Variants in NCOA3 observed in about 807,000 individuals in gnomAD.
The protein encoded by NCOA3 is CBP-interacting protein.
A neutral mutation model predicts 158.8 loss-of-function variants in NCOA3; 51 were observed. That is an observed-to-expected ratio of 0.32 (90% confidence interval 0.26 to 0.41). The LOEUF (loss-of-function observed/expected upper bound fraction) is 0.41, where lower values mean the gene tolerates loss of function less well. Ranked by LOEUF, NCOA3 falls within the 10% of genes least tolerant of loss-of-function variation. The pLI is 1.00. For missense variants in NCOA3, 1,510 were observed against 1,746.6 expected, an observed-to-expected ratio of 0.86 and a Z score of 2.41; for synonymous variants, 537 against 592.4, an observed-to-expected ratio of 0.91 and a Z score of 1.36.
chr20:47,590,942 C>T (rs2085624012), intron 2 of NCOA3, among the ~76,000 whole-genome samples: 1 of 152,014 alleles, frequency 6.6e-6, no homozygotes, highest in African/African-American at 2.4e-5. Context: ...AAACCTCTCT[C>T]TACTAAAAAC....
chr20:47,587,750 C>T (rs1467564437), intron 2 of NCOA3, among the ~76,000 whole-genome samples: 7 of 151,964 alleles, frequency 4.6e-5, no homozygotes, highest in Non-Finnish European at 8.8e-5. Flanking sequence ...GCAGAATCCA[C>T]GATACAGAGG....
chr20:47,548,254 C>T (rs2084865331), intron 1 of NCOA3, among the ~76,000 whole-genome samples: 1 of 151,124 alleles, frequency 6.6e-6, no homozygotes, highest in African/African-American at 2.4e-5. Flanking sequence ...AAAAAAAATT[C>T]ATTCTAGGCC....
Position 47,625,363 on chromosome 20 carries a change from C to G in NCOA3, c.257-18C>G. The G allele has an allele frequency of 6.5e-7, 1 of 1,543,996 alleles. No homozygotes were observed. The highest frequency in any genetic ancestry group is 9.0e-7 in the Non-Finnish European group (1 of 1,117,046). ...ACTGATAGTGTGTTATTCGTTATAC[C>G]ACCTTCTGTCTTTTCAGGAAAAACT... is the stretch of plus-strand genomic sequence containing the variant. On this transcript the variant is annotated intron_variant, in intron 4 of 22. Transcript: ENST00000371998.
intron 2 of NCOA3, among the ~76,000 whole-genome samples, chr20:47,617,886 TAA>T (rs1263470941): frequency 2.0e-5 from 3 of 152,234 alleles, no homozygotes; most frequent in Non-Finnish European, 4.4e-5. Context: ...TAAATGTACC[TAA>T]GTTTTGTCCA....
intron 2 of NCOA3, among the ~76,000 whole-genome samples, chr20:47,610,079 G>A (rs975713253): frequency 3.3e-5 from 5 of 151,962 alleles, no homozygotes; most frequent in African/African-American, 1.2e-4. Flanking sequence ...AATGTTGAAA[G>A]CTTTTTTTAT....
In NCOA3 at chr20:47,597,844, A is replaced by G. The variant is rs116257661; in HGVS notation, c.-20+14583A>G. On this transcript the variant is annotated intron_variant, in intron 2 of 22. Coordinates refer to ENST00000371998, the MANE Select transcript of NCOA3 (RefSeq NM_181659.3). ...TTTTATCTCTCTGCTTACATTACCC[A>G]TCTCTTCTTGCATGTTGTCTGCTTT... 4.3e-3 allele frequency among the ~76,000 whole-genome samples: 657 copies of G among 151,500 alleles called. 6 individuals are homozygous for G. Among genetic ancestry groups the G allele is most frequent in the African/African-American group, 0.015 (625 of 41,272 alleles).
intron 1 of NCOA3, among the ~76,000 whole-genome samples, chr20:47,572,431 G>T (rs1021854229): frequency 6.6e-6 from 1 of 151,960 alleles, no homozygotes; most frequent in Admixed American, 6.6e-5. Context: ...AACAGTACTT[G>T]TCTCTTCGCA....
chr20:47,572,502 C>G (rs2085309741), intron 1 of NCOA3, among the ~76,000 whole-genome samples: 2 of 151,784 alleles, frequency 1.3e-5, no homozygotes, highest in East Asian at 3.9e-4. Flanking sequence ...TTTGACATGC[C>G]TTCCTCACTA....
intron 1 of NCOA3, among the ~76,000 whole-genome samples, chr20:47,574,126 A>G (rs1306097033): frequency 2.0e-5 from 3 of 152,202 alleles, no homozygotes; most frequent in Non-Finnish European, 4.4e-5. Context: ...ACTTTTGAAC[A>G]TATAGACAAG....
rs2086868901 is a variant in NCOA3, at chr20:47,656,109, A to C, written c.*2692A>C. ...TTTTCATCTGCTTTTAGAATGTGGG[A>C]TATTTCCAGTACCTACTTTTTTTTT... On this transcript the variant is annotated 3_prime_UTR_variant, in exon 23 of 23. Transcript: ENST00000371998. 1 of 146,736 alleles carries C rather than the reference A, an allele frequency of 6.8e-6. No homozygotes were observed. The allele number at this position is 146,736 out of a possible 1,614,324, so 9.1% of individuals were successfully genotyped here.
chr20:47,633,454 T>G (rs2086456053), intron 8 of NCOA3, 42 bp from the exon 9 acceptor site: 2 of 1,562,582 alleles, frequency 1.3e-6, no homozygotes, highest in African/African-American at 2.8e-5. Flanking sequence ...TAAATACTTG[T>G]GGGCTGGATA....
chr20:47,591,787 A>C (rs985095070), intron 2 of NCOA3, among the ~76,000 whole-genome samples: 1 of 148,418 alleles, frequency 6.7e-6, no homozygotes, highest in Admixed American at 6.7e-5. Flanking sequence ...TGTTCTCAGT[A>C]TGTGTGGTCT....
intron 2 of NCOA3, among the ~76,000 whole-genome samples, chr20:47,608,640 CAA>C (rs148545557): frequency 0.1 from 10,182 of 98,560 alleles, 337 homozygotes; most frequent in Middle Eastern, 0.13. Context: ...ACCCTGTCTC[CAA>C]AAAAAAAAAA....
rs72646204 is a variant in NCOA3 at position 47,652,732 on chromosome 20, C to T, written c.4121+152C>T. On this transcript the variant is annotated intron_variant, in intron 21 of 22. Coordinates refer to ENST00000371998, the MANE Select transcript of NCOA3 (RefSeq NM_181659.3). The stretch of plus-strand genomic sequence containing the variant: ...GATTTGGCTTGTCCATTTTGAGAGT[C>T]CTTCAAGCACGCACATATCTATTAG... The T allele has an allele frequency of 5.7e-3, 5,402 of 939,740 alleles. 20 individuals are homozygous for T. The highest frequency in any genetic ancestry group is 7.4e-3 in the Non-Finnish European group (4,659 of 632,362). 58.2% of individuals were successfully genotyped at this position (939,740 alleles called of 1,614,324 possible).
At chr20:47,541,583 T>G (rs1380236717) in intron 1 of NCOA3, among the ~76,000 whole-genome samples, 2 of 149,720 alleles carry the variant, frequency 1.3e-5, no homozygotes, top group Non-Finnish European at 3.0e-5. Context: ...CCTTTCTATG[T>G]TGTTGCTCAG....
At chr20:47,528,568 T>G (rs2084494298) in intron 1 of NCOA3, among the ~76,000 whole-genome samples, 1 of 152,184 alleles carries the variant, frequency 6.6e-6, no homozygotes, top group Admixed American at 6.6e-5. Context: ...ATATATTACT[T>G]TTGCATCAAG....
chr20:47,636,729 A>G lies in NCOA3; in HGVS notation c.2343A>G (p.Lys781=), dbSNP rs767440264. The G allele has an allele frequency of 3.7e-6, 6 of 1,612,848 alleles. No homozygotes were observed. Among genetic ancestry groups the G allele is most frequent in the African/African-American group, 1.3e-5 (1 of 75,008 alleles). The change falls in exon 12 of 23, where the codon AAA becomes AAG. Residue 781 remains lysine (K), a synonymous_variant. Coordinates refer to ENST00000371998, the MANE Select transcript of NCOA3 (RefSeq NM_181659.3). ...CCATTCCTAGCTCAAGTCAAGAGAA[A>G]GACCCTAAAATTAAGACAGAGACAA... is the stretch of plus-strand genomic sequence containing the variant. ...SSTIPSSSQE[K]DPKIKTETSE...
chr20:47,612,702 T>C (rs1249115268), intron 2 of NCOA3, among the ~76,000 whole-genome samples: 1 of 152,226 alleles, frequency 6.6e-6, no homozygotes, highest in Non-Finnish European at 1.5e-5. Flanking sequence ...TCTGTTCTTA[T>C]ATATGAGATA....
At chr20:47,594,336 A>G (rs1244779911) in intron 2 of NCOA3, among the ~76,000 whole-genome samples, 2 of 152,020 alleles carry the variant, frequency 1.3e-5, no homozygotes, top group African/African-American at 2.4e-5. Context: ...CTGTTACACC[A>G]CTCAAGATGC....
Sources: gnomAD v4.1 joint callset for allele counts (sites outside exome capture counted in the v4.1 genomes callset) on GRCh38, gnomAD v4.1.1 for gene constraint, MANE v1.5 for transcripts, NCBI Gene and HGNC (gene_info 2026-07-23, HGNC 2026-07-21) for gene names.